The following TMCO5A variants were observed in gnomAD, a reference collection of about 807,000 sequenced individuals.
TMCO5A encodes transmembrane and coiled-coil domains 5A.
Under a neutral mutation model 42.3 loss-of-function variants are expected in TMCO5A, and 34 were observed. The observed-to-expected ratio is 0.80, with a 90% CI of 0.61 to 1.07. The LOEUF (loss-of-function observed/expected upper bound fraction) is 1.07, where lower values mean the gene tolerates loss of function less well. Among genes scored for constraint, TMCO5A ranks in the 50% least tolerant of loss-of-function variants. TMCO5A has a pLI of 0.00. For synonymous variants in TMCO5A, 131 were observed against 115.6 expected (o/e 1.13, Z -0.86); for missense variants, 357 against 327.9 (o/e 1.09, Z -0.69).
chr15:37,954,076 A>T (rs1890227884), downstream of TMCO5A, among the ~76,000 whole-genome samples: 1 of 152,082 alleles, frequency 6.6e-6, no homozygotes, highest in Non-Finnish European at 1.5e-5. Flanking sequence ...CTAGAAAGTA[A>T]CCTCAAAAGA....
At chr15:37,998,980 C>G in the TMCO5A span, among the ~76,000 whole-genome samples, 4 of 152,154 alleles carry the variant, frequency 2.6e-5, no homozygotes, top group Non-Finnish European at 5.9e-5. Flanking sequence ...AATCTCAGCT[C>G]ACCGCAACCT....
chr15:38,007,833 A>G, the TMCO5A span, among the ~76,000 whole-genome samples: 2 of 136,966 alleles, frequency 1.5e-5, no homozygotes, highest in African/African-American at 5.6e-5. Flanking sequence ...CAGTTTTTCA[A>G]TGATTGAGGG....
chr15:37,946,128 C>T (rs1889943318), intron 10 of TMCO5A, among the ~76,000 whole-genome samples: 1 of 152,106 alleles, frequency 6.6e-6, no homozygotes, highest in Admixed American at 6.6e-5. Context: ...ATAGGGAGTC[C>T]TTTCCCCATT....
chr15:37,951,945 T>C (rs1046776968), downstream of TMCO5A, among the ~76,000 whole-genome samples: 9 of 151,756 alleles, frequency 5.9e-5, no homozygotes, highest in Admixed American at 3.3e-4. Flanking sequence ...TTCTGTGTGG[T>C]GAGGAGAGAA....
chr15:37,951,381 T>G lies in TMCO5A; in HGVS notation c.*147T>G. On this transcript the variant is annotated 3_prime_UTR_variant, in exon 12 of 12. Transcript: ENST00000319669. ...GACTACCTTCTGTCACCACGTCATC[T>G]TTCCAGGATTAACCTTGACCAGTAA... 1.4e-6 allele frequency: 1 copy of G among 697,870 alleles called. No individual in the cohort carries two copies. The highest frequency in any genetic ancestry group is 2.4e-6 in the Non-Finnish European group (1 of 419,554). 43.2% of individuals were successfully genotyped at this position (697,870 alleles called of 1,614,324 possible). A position where few individuals can be genotyped will look rare whatever the true frequency, so the allele number is the denominator to read the frequency against.
the TMCO5A span, among the ~76,000 whole-genome samples, chr15:38,008,804 G>T: frequency 6.6e-6 from 1 of 152,180 alleles, no homozygotes; most frequent in African/African-American, 2.4e-5. Flanking sequence ...GACAACGCAT[G>T]ACCATCTGCC....
At chr15:38,015,892 C>T in the TMCO5A span, among the ~76,000 whole-genome samples, 1 of 152,120 alleles carries the variant, frequency 6.6e-6, no homozygotes, top group Non-Finnish European at 1.5e-5. Flanking sequence ...TCAGTGGCTG[C>T]CCAGGGTTGG....
chr15:37,967,111 A>C (rs1890576468), exon 12 of TMCO5A: 1 of 158,838 alleles, frequency 6.3e-6, no homozygotes, highest in African/African-American at 2.4e-5. Context: ...CCATGTAAAT[A>C]ATCAGGTCAC....
chr15:38,022,723 T>C, the TMCO5A span, among the ~76,000 whole-genome samples: 1 of 152,124 alleles, frequency 6.6e-6, no homozygotes, highest in Non-Finnish European at 1.5e-5. Context: ...TGGTGGGAGA[T>C]GTTGATAATG....
At chr15:38,009,266 C>A in the TMCO5A span, among the ~76,000 whole-genome samples, 1 of 152,144 alleles carries the variant, frequency 6.6e-6, no homozygotes, top group Non-Finnish European at 1.5e-5. Context: ...TAAATCCATC[C>A]AAAACTAATT....
At chr15:37,940,677 C>A (rs1889700157) in intron 6 of TMCO5A, among the ~76,000 whole-genome samples, 3 of 152,062 alleles carry the variant, frequency 2.0e-5, no homozygotes, top group Non-Finnish European at 4.4e-5. Context: ...CTAAGTACTA[C>A]CCCCTGCCAC....
the TMCO5A span, among the ~76,000 whole-genome samples, chr15:38,031,234 A>G: frequency 6.6e-6 from 1 of 152,096 alleles, no homozygotes; most frequent in African/African-American, 2.4e-5. Flanking sequence ...CCCTAATCAT[A>G]GAATAAAGTC....
At chr15:37,985,106 A>G in the TMCO5A span, among the ~76,000 whole-genome samples, 1 of 151,884 alleles carries the variant, frequency 6.6e-6, no homozygotes, top group African/African-American at 2.4e-5. Context: ...GAGCAAGGCA[A>G]TCTTAGAATC....
At chr15:38,024,825 C>T in the TMCO5A span, 1 of 152,356 alleles carries the variant, frequency 6.6e-6, no homozygotes, top group South Asian at 2.1e-4. Context: ...ATGCAACCCC[C>T]TTCAGACACT....
the TMCO5A span, among the ~76,000 whole-genome samples, chr15:37,990,392 C>A: frequency 6.6e-6 from 1 of 151,956 alleles, no homozygotes; most frequent in African/African-American, 2.4e-5. Context: ...TTGTTTTAAT[C>A]TGAAGTCAAT....
At chr15:37,968,176 T>C (rs937486875), downstream of TMCO5A, among the ~76,000 whole-genome samples, 2 of 152,110 alleles carry the variant, frequency 1.3e-5, no homozygotes, top group African/African-American at 4.8e-5. Flanking sequence ...TCTTCTTCCA[T>C]TCAAATACTC....
the TMCO5A span, among the ~76,000 whole-genome samples, chr15:37,973,226 T>A: frequency 6.6e-6 from 1 of 151,864 alleles, no homozygotes; most frequent in African/African-American, 2.4e-5. Flanking sequence ...TCAGGTAATG[T>A]GATGTCTCCA....
rs1457677314 is a variant in TMCO5A at position 37,959,802 on chromosome 15, A to G, written c.669-6823A>G. ...ATGTCCACTTTCATGACTGTTATTC[A>G]GTATAGTACTGGACATCCTAGCTAG... On this transcript the variant is annotated intron_variant, in intron 11 of 11. Coordinates refer to the TMCO5A transcript ENST00000559502. Among the ~76,000 whole-genome samples the G allele has an allele frequency of 2.0e-5, 3 of 152,128 alleles. No homozygotes were observed. The East Asian group carries it at 5.8e-4, about 29-fold the overall frequency.
At chr15:38,016,338 TG>T in the TMCO5A span, among the ~76,000 whole-genome samples, 3 of 152,210 alleles carry the variant, frequency 2.0e-5, no homozygotes, top group African/African-American at 7.2e-5. Flanking sequence ...AGAATATTTG[TG>T]CCACTTATGA....
Sources: gnomAD v4.1 joint callset for allele counts (sites outside exome capture counted in the v4.1 genomes callset) on GRCh38, gnomAD v4.1.1 for gene constraint, MANE v1.5 for transcripts, NCBI Gene and HGNC (gene_info 2026-07-23, HGNC 2026-07-21) for gene names.